Variants in FBXO38 observed in about 807,000 individuals in gnomAD.
FBXO38 encodes the protein F-box only protein 38.
FBXO38 carries 53 observed loss-of-function variants against 131.9 expected under a neutral mutation model. That is an observed-to-expected ratio of 0.40 (90% CI 0.32 to 0.51). The LOEUF (loss-of-function observed/expected upper bound fraction) is 0.51. Among genes scored for constraint, FBXO38 ranks in the 20% least tolerant of loss-of-function variants. The pLI is 0.53. For synonymous variants in FBXO38, 452 were observed against 505.6 expected (o/e 0.89, Z 1.42); for missense variants, 1,076 against 1,475.6 (o/e 0.73, Z 4.44).
At chr5:148,440,353 G>A (rs1754605118) in intron 19 of FBXO38, 71 bp from the exon 20 acceptor site, 1 of 907,714 alleles carries the variant, frequency 1.1e-6, no homozygotes, top group Non-Finnish European at 1.8e-6. Context: ...CAGTTTTGAT[G>A]GTTCCTTCCT....
At chr5:148,390,064 A>ACTTGGG (rs1337715179) in intron 1 of FBXO38, 1 of 151,584 alleles carries the variant, frequency 6.6e-6, no homozygotes, top group Non-Finnish European at 1.5e-5. Flanking sequence ...ATCACCACTT[A>ACTTGGG]CTTGGGACTT....
At chr5:148,438,209 C>A in intron 17 of FBXO38, 123 bp from the exon 18 acceptor site, 1 of 811,730 alleles carries the variant, frequency 1.2e-6, no homozygotes, top group Non-Finnish European at 1.9e-6. Flanking sequence ...GTGATTTGTA[C>A]TCTATGATAT....
Position 148,406,340 on chromosome 5 carries a change from G to A in FBXO38, c.814G>A (p.Val272Ile), listed in dbSNP as rs1216060808. 5 of 1,608,838 alleles carry A rather than the reference G, an allele frequency of 3.1e-6. No homozygotes were observed. In the African/African-American group the frequency reaches 6.7e-5, roughly 22 times the overall value. ...CTTGGAACACTTAGAAATGGTTCGA[G>A]TTCCTTTCCTTGGAGGTCTTATCCA... ...RNLEHLEMVR[V>I]PFLGGLIQHV... Residue 272 changes from valine (V) to isoleucine (I), a missense_variant, in exon 7 of 22, where the codon GTT becomes ATT. Transcript: ENST00000340253.
At chr5:148,418,305 T>C (rs549869698) in intron 12 of FBXO38, among the ~76,000 whole-genome samples, 2 of 152,358 alleles carry the variant, frequency 1.3e-5, no homozygotes, top group South Asian at 4.1e-4. Context: ...TAGCACCTCC[T>C]GTATTCCACT....
intron 1 of FBXO38, among the ~76,000 whole-genome samples, chr5:148,390,824 A>G (rs1193296324): frequency 1.3e-5 from 2 of 152,164 alleles, no homozygotes; most frequent in African/African-American, 4.8e-5. Context: ...GCAGAATCCT[A>G]AGGAACAATC....
intron 1 of FBXO38, among the ~76,000 whole-genome samples, chr5:148,387,595 A>G (rs1757978662): frequency 6.6e-6 from 1 of 152,172 alleles, no homozygotes; most frequent in South Asian, 2.1e-4. Context: ...AGCTTCTAGA[A>G]TGTGTATCCT....
At chr5:148,394,679 T>C in intron 1 of FBXO38, 35 bp from the exon 2 acceptor site, 2 of 1,200,638 alleles carry the variant, frequency 1.7e-6, no homozygotes, top group Non-Finnish European at 2.2e-6. Flanking sequence ...AGGGGGTGTG[T>C]TTTTTTAGTC....
At chr5:148,441,470 A>G (rs1203973784) in intron 21 of FBXO38, 6 of 374,118 alleles carry the variant, frequency 1.6e-5, no homozygotes, top group Non-Finnish European at 2.8e-5. Flanking sequence ...AGATTTTCCT[A>G]CAAGATTTTT....
chr5:148,437,921 T>A (rs1233660998), intron 17 of FBXO38, among the ~76,000 whole-genome samples: 1 of 152,140 alleles, frequency 6.6e-6, no homozygotes, highest in East Asian at 1.9e-4. Flanking sequence ...GTTCTACTTT[T>A]ACGTTTGTGA....
At chr5:148,412,247 T>C (rs1472973562) in intron 9 of FBXO38, among the ~76,000 whole-genome samples, 1 of 152,184 alleles carries the variant, frequency 6.6e-6, no homozygotes, top group African/African-American at 2.4e-5. Flanking sequence ...ATGCATACTA[T>C]CTTCTGTCCC....
intron 7 of FBXO38, among the ~76,000 whole-genome samples, chr5:148,407,128 G>T (rs931545995): frequency 1.3e-5 from 2 of 152,136 alleles, no homozygotes; most frequent in African/African-American, 2.4e-5. Flanking sequence ...TAGACATTTT[G>T]TCAGTCAAGT....
intron 7 of FBXO38, among the ~76,000 whole-genome samples, chr5:148,407,090 A>G (rs1434153453): frequency 1.3e-5 from 2 of 152,226 alleles, no homozygotes; most frequent in Non-Finnish European, 2.9e-5. Flanking sequence ...TACTGTTGAA[A>G]TATAATGAAG....
At position 148,438,411 on chromosome 5, in the gene FBXO38, G is replaced by C; in HGVS notation, c.2937G>C (p.Lys979Asn). Residue 979 changes from lysine to asparagine, a missense_variant, in exon 18 of 22, where the codon AAG (lysine) becomes AAC (asparagine). Physicochemically the swap from Lys to Asn is moderately conservative, Grantham distance 94. This residue lies in a region of FBXO38 where 282 missense variants were observed against 418.8 expected (regional missense o/e 0.67). Coordinates refer to ENST00000340253, the MANE Select transcript of FBXO38 (RefSeq NM_205836.3). ...IVNRFDYAQC[K>N]KLNMDQVLDQ... ...ACCGATTTGACTATGCACAGTGCAAGAAACTGAACATGGATCAGGTACTAG... is the reference window on the plus strand; with the variant it reads ...ACCGATTTGACTATGCACAGTGCAACAAACTGAACATGGATCAGGTACTAG... The C allele has an allele frequency of 1.2e-6, 2 of 1,614,066 alleles. No homozygotes were observed. Among genetic ancestry groups the C allele is most frequent in the Non-Finnish European group, 1.7e-6 (2 of 1,179,930 alleles).
intron 17 of FBXO38, chr5:148,435,154 C>G (rs1754272328): frequency 1.3e-5 from 2 of 152,096 alleles, no homozygotes; most frequent in Non-Finnish European, 2.9e-5. Flanking sequence ...TCACCTGAAC[C>G]TTTAGTGAGT....
Position 148,414,217 on chromosome 5 carries a change from T to A in FBXO38, c.1175T>A (p.Met392Lys), listed in dbSNP as rs1333352440. The A allele has an allele frequency of 1.2e-6, 2 of 1,613,170 alleles. No individual in the cohort carries two copies. Among genetic ancestry groups the A allele is most frequent in the South Asian group, 1.1e-5 (1 of 91,024 alleles). ...ENPGIITDIG[M>K]KAVNEVFSCI... ...CCTGGTATCATCACTGATATAGGGA[T>A]GAAAGCAGTCAATGAAGTTTTTTCC... The change falls in exon 10 of 22, where the codon ATG (methionine) becomes AAG (lysine). Residue 392 changes from methionine (M) to lysine (K), a missense_variant. Transcript: ENST00000340253.
intron 1 of FBXO38, among the ~76,000 whole-genome samples, chr5:148,387,097 A>G (rs1047815724): frequency 6.6e-6 from 1 of 152,144 alleles, no homozygotes; most frequent in African/African-American, 2.4e-5. Flanking sequence ...CTTCTAGGAA[A>G]TATTTTGTTG....
Position 148,394,785 on chromosome 5 carries a change from A to C in FBXO38, c.9A>C (p.Pro3=). 6.4e-7 allele frequency: 1 copy of C among 1,574,092 alleles called. No individual in the cohort carries two copies. The highest frequency in any genetic ancestry group is 1.2e-5 in the South Asian group (1 of 85,116). Residue 3 remains proline (P), a synonymous_variant, in exon 2 of 22, where the codon CCA becomes CCC. Transcript: ENST00000340253. The stretch of plus-strand genomic sequence containing the variant: ...CTGGAGACTGCACAACAATGGGGCC[A>C]CGAAAGAAAAGTGTGAAAACATGTA... MG[P]RKKSVKTCIM... is the part of the protein sequence containing the mutation.
intron 19 of FBXO38, among the ~76,000 whole-genome samples, 157 bp downstream of exon 19, chr5:148,439,949 A>T (rs1175923821): frequency 1.3e-5 from 2 of 152,212 alleles, no homozygotes; most frequent in Non-Finnish European, 2.9e-5. Flanking sequence ...ACTGAGGGAA[A>T]TGAGGACTTA....
intron 20 of FBXO38, among the ~76,000 whole-genome samples, chr5:148,440,904 T>C (rs2113670427): frequency 6.6e-6 from 1 of 152,330 alleles, no homozygotes; most frequent in East Asian, 1.9e-4. Context: ...GAAGATTGCT[T>C]TGCCTGTATG....
Sources: gnomAD v4.1 joint callset for allele counts (sites outside exome capture counted in the v4.1 genomes callset) on GRCh38, gnomAD v4.1.1 for gene constraint, gnomAD v4.1.1 regional missense constraint, MANE v1.5 for transcripts, NCBI Gene and HGNC (gene_info 2026-07-23, HGNC 2026-07-21) for gene names.